The following MAB21L4 variants were observed in gnomAD, a reference collection of about 807,000 sequenced individuals.
MAB21L4 encodes the protein mab-21 like 4, also known as protein mab-21-like 4.
Under a neutral mutation model 32.4 loss-of-function variants are expected in MAB21L4, and 25 were observed. That is an observed-to-expected ratio of 0.77 (90% confidence interval 0.56 to 1.08). The LOEUF is 1.08. Ranked by LOEUF, MAB21L4 falls within the 50% of genes least tolerant of loss-of-function variation. The pLI is 0.00. For missense variants in MAB21L4, 638 were observed against 611.0 expected, an observed-to-expected ratio of 1.04 and a Z score of -0.47; for synonymous variants, 280 against 276.8, an observed-to-expected ratio of 1.01 and a Z score of -0.11.
chr2:240,892,415 C>T (rs1000197132), intron 1 of MAB21L4, among the ~76,000 whole-genome samples: 59 of 151,474 alleles, frequency 3.9e-4, no homozygotes, highest in African/African-American at 1.4e-3. Flanking sequence ...AAATCAACTG[C>T]ATGCATGGGA....
chr2:240,887,240 G>A (rs2059103430), intron 4 of MAB21L4, 78 bp from the exon 5 acceptor site: 1 of 1,228,952 alleles, frequency 8.1e-7, no homozygotes. Flanking sequence ...CGAGAGCACA[G>A]CGTGGAACAA....
chr2:240,892,199 G>A (rs1192942434), intron 1 of MAB21L4, among the ~76,000 whole-genome samples: 1 of 152,160 alleles, frequency 6.6e-6, no homozygotes, highest in African/African-American at 2.4e-5. Flanking sequence ...CCTACCTCCT[G>A]ACGATGGCCC....
intron 1 of MAB21L4, chr2:240,892,149 C>T: frequency 9.7e-6 from 10 of 1,031,680 alleles, no homozygotes; most frequent in Non-Finnish European, 1.1e-5. Flanking sequence ...GCTCACTCTG[C>T]CCCAGCCCTG....
In MAB21L4 at chr2:240,895,811, G is replaced by C. The variant is rs768362452; in HGVS notation, c.187C>G (p.Arg63Gly). The change falls in exon 1 of 5, where the codon CGT (arginine) becomes GGT (glycine). Residue 63 changes from arginine (R) to glycine (G), a missense_variant. Coordinates refer to ENST00000388934, the MANE Select transcript of MAB21L4 (RefSeq NM_001085437.3). The part of the protein sequence containing the change: ...LDPRFIVDYS[R>G]GLEAFQFALR... ...GCGAACTGGAAGGCCTCCAGGCCAC[G>C]GGAGTAGTCCACGATGAAGCGGGGG... 1 of 1,600,536 alleles carries C rather than the reference G, an allele frequency of 6.2e-7. No homozygotes were observed. Among genetic ancestry groups the C allele is most frequent in the Admixed American group, 1.7e-5 (1 of 59,254 alleles).
At chr2:240,894,379 G>GT (rs1392128109) in intron 1 of MAB21L4, among the ~76,000 whole-genome samples, 2 of 152,168 alleles carry the variant, frequency 1.3e-5, no homozygotes, top group East Asian at 3.9e-4. Flanking sequence ...GAGGATGGCT[G>GT]TACCACTCAG....
Position 240,895,723 on chromosome 2 carries a change from A to G in MAB21L4, c.275T>C (p.Leu92Pro). 1 of 1,612,928 alleles carries G rather than the reference A, an allele frequency of 6.2e-7. No individual in the cohort carries two copies. The highest frequency in any genetic ancestry group is 8.5e-7 in the Non-Finnish European group (1 of 1,179,986). ...GGTGGCCTCTGGTTCCTCAATCAGT[A>G]GAGCCTCGGCATCCACCCACAGGGG... ...EVPLWVDAEA[L>P]LIEEPEATQP... Residue 92 changes from leucine to proline, a missense_variant, in exon 1 of 5, where the codon CTA becomes CCA. Coordinates refer to ENST00000388934, the MANE Select transcript of MAB21L4 (RefSeq NM_001085437.3).
rs200835962 is a variant in MAB21L4 at position 240,891,526 on chromosome 2, G to T, written c.740+12C>A. 246 of 1,595,944 alleles carry T rather than the reference G, an allele frequency of 1.5e-4. 1 individual carries two copies. The highest frequency in any genetic ancestry group is 1.0e-3 in the Middle Eastern group (6 of 6,008). On this transcript the variant is annotated intron_variant, in intron 2 of 4. Transcript: ENST00000388934. ...CTCCCCAAGAACCTTGTGACCAGGA[G>T]GGTGCGCCTACCTCCAGAGCTGGGC...
At chr2:240,890,189 C>T (rs779249007) in intron 2 of MAB21L4, 31 bp from the exon 3 acceptor site, 1 of 1,572,062 alleles carries the variant, frequency 6.4e-7, no homozygotes, top group Non-Finnish European at 8.7e-7. Flanking sequence ...CTGGGTCAGC[C>T]CCCGCCGCTG....
chr2:240,891,402 G>A (rs1479982653), intron 2 of MAB21L4, 136 bp downstream of exon 2: 4 of 787,110 alleles, frequency 5.1e-6, no homozygotes, highest in East Asian at 2.6e-5. Context: ...AATCTCAGTG[G>A]AACACACATG....
At chr2:240,888,728 C>T in intron 3 of MAB21L4, 80 bp from the exon 4 acceptor site, 1 of 994,818 alleles carries the variant, frequency 1.0e-6, no homozygotes, top group Non-Finnish European at 1.4e-6. Context: ...CCCACCCTCA[C>T]CCTGGCTGCC....
At chr2:240,889,411 A>G (rs2059125338) in intron 3 of MAB21L4, among the ~76,000 whole-genome samples, 1 of 151,574 alleles carries the variant, frequency 6.6e-6, no homozygotes. Flanking sequence ...CTGGCCACAC[A>G]CTCCAGGAAG....
At chr2:240,888,204 G>A in intron 4 of MAB21L4, 88 bp downstream of exon 4, 5 of 1,100,090 alleles carry the variant, frequency 4.5e-6, no homozygotes, top group Non-Finnish European at 6.3e-6. Flanking sequence ...GCTGACCTGG[G>A]AGAGAATGGG....
chr2:240,896,595 G>A (rs2059188937), upstream of MAB21L4, among the ~76,000 whole-genome samples: 1 of 152,200 alleles, frequency 6.6e-6, no homozygotes, highest in Admixed American at 6.5e-5. Context: ...ACTCTCTAAG[G>A]CTGCCTGGAA....
chr2:240,887,339 T>A (rs2059104527), intron 4 of MAB21L4, among the ~76,000 whole-genome samples, 177 bp from the exon 5 acceptor site: 1 of 152,210 alleles, frequency 6.6e-6, no homozygotes, highest in Admixed American at 6.5e-5. Context: ...CAGCCTCTGC[T>A]GCTCCCTGAG....
intron 1 of MAB21L4, among the ~76,000 whole-genome samples, chr2:240,892,370 C>A (rs922899040): frequency 2.6e-5 from 4 of 151,558 alleles, no homozygotes; most frequent in East Asian, 3.9e-4. Flanking sequence ...CCTGCCCCTG[C>A]CCCTGGAAGC....
intron 3 of MAB21L4, 95 bp downstream of exon 3, chr2:240,889,910 T>C: frequency 1.4e-6 from 2 of 1,382,078 alleles, no homozygotes; most frequent in South Asian, 3.0e-5. Context: ...TCATAGCAGC[T>C]GCCTGCCAGT....
At chr2:240,892,048 G>A (rs1255556851) in intron 1 of MAB21L4, 61 of 1,468,816 alleles carry the variant, frequency 4.2e-5, no homozygotes, top group Non-Finnish European at 4.7e-5. Flanking sequence ...TGACAGCAGC[G>A]TCCTACATGA....
Position 240,888,291 on chromosome 2 carries a change from C to G in MAB21L4, c.1251+1G>C, listed in dbSNP as rs780791162. 3 of 1,551,312 alleles carry G rather than the reference C, an allele frequency of 1.9e-6. No individual in the cohort carries two copies. The highest frequency in any genetic ancestry group is 2.6e-6 in the Non-Finnish European group (3 of 1,153,926). On this transcript the variant is annotated splice_donor_variant, in intron 4 of 4. Coordinates refer to ENST00000388934, the MANE Select transcript of MAB21L4 (RefSeq NM_001085437.3). LOFTEE classifies it high-confidence loss of function. Reference sequence around the variant, plus strand: ...CCAAGGCCCCCGCAGCCAGCACCCACCTTGTCCAGCAGGACGTCGAAGTAG... The same window carrying G: ...CCAAGGCCCCCGCAGCCAGCACCCAGCTTGTCCAGCAGGACGTCGAAGTAG...
intron 3 of MAB21L4, 84 bp from the exon 4 acceptor site, chr2:240,888,732 G>A (rs957064473): frequency 3.3e-6 from 3 of 906,936 alleles, no homozygotes; most frequent in East Asian, 3.3e-5. Context: ...CCCTCACCCT[G>A]GCTGCCCCTC....
Sources: gnomAD v4.1 joint callset for allele counts (sites outside exome capture counted in the v4.1 genomes callset) on GRCh38, gnomAD v4.1.1 for gene constraint, MANE v1.5 for transcripts, NCBI Gene and HGNC (gene_info 2026-07-23, HGNC 2026-07-21) for gene names.